SASH1: variants seen among roughly 807,000 people sequenced by gnomAD.
SASH1 encodes the protein SAM and SH3 domain-containing protein 1.
Under a neutral mutation model 125.2 loss-of-function variants are expected in SASH1, and 44 were observed. That is an observed-to-expected ratio of 0.35 (90% CI 0.28 to 0.45). SASH1 has a LOEUF of 0.45. Ranked by LOEUF, SASH1 falls within the 20% of genes least tolerant of loss-of-function variation. The pLI is 1.00. For missense variants in SASH1, 1,426 were observed against 1,614.5 expected (o/e 0.88, Z 2.00); for synonymous variants, 639 against 649.1 (o/e 0.98, Z 0.24).
At chr6:148,275,900 T>A (rs1362777325) in intron 1 of SASH1, among the ~76,000 whole-genome samples, 1 of 152,160 alleles carries the variant, frequency 6.6e-6, no homozygotes, top group Non-Finnish European at 1.5e-5. Context: ...TTTTTATTAT[T>A]TGTAGAGACA....
intron 1 of SASH1, among the ~76,000 whole-genome samples, chr6:148,276,512 C>T (rs548772151): frequency 2.4e-4 from 37 of 152,148 alleles, no homozygotes; most frequent in African/African-American, 5.8e-4. Context: ...AGAGGAACAG[C>T]GCCCAGTCGA....
chr6:148,393,663 A>G (rs1783826351), intron 2 of SASH1: 1 of 980,142 alleles, frequency 1.0e-6, no homozygotes, highest in Admixed American at 6.2e-5. Flanking sequence ...TCATTCAAAC[A>G]GATGGGGCTA....
intron 8 of SASH1, among the ~76,000 whole-genome samples, chr6:148,504,456 G>A (rs1779687092): frequency 6.6e-6 from 1 of 152,124 alleles, no homozygotes; most frequent in Non-Finnish European, 1.5e-5. Context: ...GTCAAATACT[G>A]AAGTCCCTTC....
chr6:148,230,527 G>A, the SASH1 span, among the ~76,000 whole-genome samples: 1 of 151,980 alleles, frequency 6.6e-6, no homozygotes, highest in South Asian at 2.1e-4. Flanking sequence ...TATACATCTA[G>A]GCCATATAGT....
intron 8 of SASH1, among the ~76,000 whole-genome samples, chr6:148,491,326 G>A (rs1249513331): frequency 6.6e-6 from 1 of 152,172 alleles, no homozygotes. Context: ...CTGGAGTGCA[G>A]CGGCATGATC....
intron 1 of SASH1, among the ~76,000 whole-genome samples, chr6:148,348,029 A>C (rs1781575546): frequency 6.6e-6 from 1 of 152,098 alleles, no homozygotes; most frequent in Non-Finnish European, 1.5e-5. Context: ...ATTTTTGAGA[A>C]GGAGTCTCAC....
chr6:148,491,294 GA>G (rs542057309), intron 8 of SASH1, among the ~76,000 whole-genome samples: 62 of 152,256 alleles, frequency 4.1e-4, no homozygotes, highest in African/African-American at 1.4e-3. Context: ...TGTTGAGACG[GA>G]GTCTCACTCC....
intron 5 of SASH1, among the ~76,000 whole-genome samples, chr6:148,470,354 C>T (rs1778039856): frequency 6.6e-6 from 1 of 152,206 alleles, no homozygotes. Flanking sequence ...TGCTTCATTG[C>T]TTGGCACCAC....
At chr6:148,505,384 G>A (rs1779739978) in intron 8 of SASH1, among the ~76,000 whole-genome samples, 1 of 152,228 alleles carries the variant, frequency 6.6e-6, no homozygotes, top group African/African-American at 2.4e-5. Context: ...CACGATTTCG[G>A]CTCAGTGCAG....
the SASH1 span, among the ~76,000 whole-genome samples, chr6:148,245,402 T>G: frequency 6.6e-6 from 1 of 152,308 alleles, no homozygotes; most frequent in South Asian, 2.1e-4. Context: ...ACCAGAGAAC[T>G]TCCGCTTGAG....
chr6:148,339,303 C>G (rs1026836119), upstream of SASH1, among the ~76,000 whole-genome samples: 10 of 152,000 alleles, frequency 6.6e-5, no homozygotes, highest in African/African-American at 2.4e-4. Context: ...CTCGGCCTCC[C>G]AAAGTGCTGG....
chr6:148,492,827 T>TATAAATAG (rs1322975698), intron 8 of SASH1, among the ~76,000 whole-genome samples: 134 of 145,590 alleles, frequency 9.2e-4, no homozygotes, highest in East Asian at 1.6e-3. Context: ...TCTCATAAAA[T>TATAAATAG]ATAAATAAAT....
At chr6:148,251,184 G>T in the SASH1 span, among the ~76,000 whole-genome samples, 1 of 152,224 alleles carries the variant, frequency 6.6e-6, no homozygotes, top group African/African-American at 2.4e-5. Context: ...GGATAGAAAA[G>T]AAAAAATGCA....
At chr6:148,387,446 T>TCTTCC (rs914723274) in intron 1 of SASH1, among the ~76,000 whole-genome samples, 3 of 151,572 alleles carry the variant, frequency 2.0e-5, no homozygotes, top group African/African-American at 7.3e-5. Flanking sequence ...TCTTCTCTTC[T>TCTTCC]CTTCCCTTTT....
chr6:148,299,723 T>C (rs1042704699), intron 1 of SASH1, among the ~76,000 whole-genome samples: 1 of 145,234 alleles, frequency 6.9e-6, no homozygotes, highest in Non-Finnish European at 1.5e-5. Context: ...TGGCTGAAAA[T>C]GATATAAACA....
intron 1 of SASH1, among the ~76,000 whole-genome samples, chr6:148,385,482 A>G (rs1463093466): frequency 6.6e-6 from 1 of 152,132 alleles, no homozygotes; most frequent in Non-Finnish European, 1.5e-5. Flanking sequence ...CCAAAGTGAT[A>G]AGTGTATTTT....
At chr6:148,305,971 A>C (rs773611454) in intron 1 of SASH1, among the ~76,000 whole-genome samples, 1 of 152,236 alleles carries the variant, frequency 6.6e-6, no homozygotes, top group African/African-American at 2.4e-5. Context: ...GATGAGCCCC[A>C]TTTATCCTGG....
rs193069210 is a variant in SASH1 at position 148,496,068 on chromosome 6, G to A, written c.729+8353G>A. On this transcript the variant is annotated intron_variant, in intron 8 of 19. Coordinates refer to ENST00000367467, the MANE Select transcript of SASH1 (RefSeq NM_015278.5). The stretch of plus-strand genomic sequence containing the variant: ...TCACCATGTTGGCCAGGCTGTTGTC[G>A]AACTCCTGACCTCAGGTGATCCGCC... 2.4e-3 allele frequency among the ~76,000 whole-genome samples: 357 copies of A among 151,024 alleles called. 4 individuals are homozygous for A. The highest frequency in any genetic ancestry group is 8.3e-3 in the African/African-American group (339 of 41,018).
intron 8 of SASH1, chr6:148,513,585 G>T: frequency 2.0e-6 from 2 of 985,640 alleles, no homozygotes. Context: ...TTTGATACTT[G>T]AGGGAAAACA....
Sources: allele counts gnomAD v4.1 joint callset (sites outside exome capture counted in the v4.1 genomes callset), GRCh38; gene constraint gnomAD v4.1.1; transcripts MANE v1.5; gene names NCBI Gene and HGNC (gene_info 2026-07-23, HGNC 2026-07-21).